Variants in PCDH15 observed in about 807,000 individuals in gnomAD.
PCDH15 encodes the protein protocadherin-15.
In PCDH15, 129 loss-of-function variants were observed where a neutral mutation model predicts 178.5. The observed-to-expected ratio is 0.72, with a 90% confidence interval of 0.63 to 0.84. PCDH15 has a LOEUF of 0.84. Among genes scored for constraint, PCDH15 ranks in the 40% least tolerant of loss-of-function variants. The pLI is 0.00. For synonymous variants in PCDH15, 800 were observed against 732.0 expected (o/e 1.09, Z -1.50); for missense variants, 2,230 against 2,099.9 (o/e 1.06, Z -1.21).
chr10:55,197,567 A>AT, intron 1 of PCDH15, among the ~76,000 whole-genome samples: 1 of 152,202 alleles, frequency 6.6e-6, no homozygotes, highest in South Asian at 2.1e-4. Context: ...TAACACAATA[A>AT]TTTTTTGATT....
At chr10:54,720,441 G>T (rs553297477) in intron 1 of PCDH15, among the ~76,000 whole-genome samples, 1 of 150,828 alleles carries the variant, frequency 6.6e-6, no homozygotes, top group African/African-American at 2.4e-5. Context: ...AAAGAAAATC[G>T]CATCAAACTA....
chr10:54,295,273 A>T (rs1460174944), intron 8 of PCDH15, among the ~76,000 whole-genome samples: 1 of 152,102 alleles, frequency 6.6e-6, no homozygotes, highest in East Asian at 1.9e-4. Flanking sequence ...TGGACCAATA[A>T]GTGCTCTGTA....
At chr10:54,059,854 A>T (rs1327411432) in intron 18 of PCDH15, among the ~76,000 whole-genome samples, 2 of 152,228 alleles carry the variant, frequency 1.3e-5, no homozygotes, top group Non-Finnish European at 2.9e-5. Flanking sequence ...AATATGTACA[A>T]TGGAAAGCAT....
At chr10:55,141,092 T>A (rs149971084) in intron 2 of PCDH15, among the ~76,000 whole-genome samples, 42 of 152,198 alleles carry the variant, frequency 2.8e-4, no homozygotes, top group African/African-American at 9.1e-4. Flanking sequence ...TAAGTTTGTC[T>A]TCTGCAAAAT....
At chr10:54,138,127 A>T (rs2133130914) in intron 14 of PCDH15, among the ~76,000 whole-genome samples, 1 of 152,138 alleles carries the variant, frequency 6.6e-6, no homozygotes, top group South Asian at 2.1e-4. Flanking sequence ...TTTTAAAGAA[A>T]TTTTTATTTG....
intron 3 of PCDH15, among the ~76,000 whole-genome samples, chr10:54,417,315 TA>T (rs1565218270): frequency 1.3e-5 from 2 of 152,182 alleles, no homozygotes; most frequent in Non-Finnish European, 2.9e-5. Flanking sequence ...GAATTTTTTT[TA>T]AATACTGGGA....
chr10:55,573,932 A>G (rs1430454711), intron 2 of PCDH15, among the ~76,000 whole-genome samples: 1 of 151,856 alleles, frequency 6.6e-6, no homozygotes, highest in East Asian at 1.9e-4. Flanking sequence ...TATTCATGTT[A>G]CCACCATTAA....
chr10:54,727,681 T>C (rs1942767563), intron 1 of PCDH15, among the ~76,000 whole-genome samples: 1 of 151,276 alleles, frequency 6.6e-6, no homozygotes, highest in Non-Finnish European at 1.5e-5. Context: ...ATAAGATTAA[T>C]AGACTGGTAG....
intron 7 of PCDH15, among the ~76,000 whole-genome samples, chr10:54,327,459 AAAT>A (rs1309082071): frequency 2.0e-5 from 3 of 149,440 alleles, no homozygotes; most frequent in East Asian, 1.9e-4. Context: ...ATAATATATA[AAAT>A]AATAAATCAT....
chr10:54,378,493 G>T lies in PCDH15; in HGVS notation c.318+289C>A, dbSNP rs1162869227. Among the ~76,000 whole-genome samples the T allele has an allele frequency of 3.3e-5, 5 of 152,050 alleles. No individual in the cohort carries two copies. In the East Asian group the frequency reaches 9.7e-4, roughly 30 times the overall value. Reference sequence around the variant, plus strand: ...ACAGAAATGAGTTATAGCCATGCTTGTCCTACTTTGCCAAGGGTACCACCT... The same window carrying T: ...ACAGAAATGAGTTATAGCCATGCTTTTCCTACTTTGCCAAGGGTACCACCT... On this transcript the variant is annotated intron_variant, in intron 4 of 37. Coordinates refer to ENST00000644397, the MANE Select transcript of PCDH15 (RefSeq NM_001384140.1).
At chr10:55,055,069 T>C (rs1841263684) in intron 2 of PCDH15, among the ~76,000 whole-genome samples, 1 of 152,182 alleles carries the variant, frequency 6.6e-6, no homozygotes, top group Non-Finnish European at 1.5e-5. Context: ...CTTTGACGTC[T>C]TCATCATGAA....
chr10:54,674,550 T>G, intron 1 of PCDH15, among the ~76,000 whole-genome samples: 1 of 152,234 alleles, frequency 6.6e-6, no homozygotes, highest in East Asian at 1.9e-4. Context: ...ATATTAAGCT[T>G]TTACCATTTA....
intron 3 of PCDH15, among the ~76,000 whole-genome samples, chr10:54,829,107 G>A (rs185215350): frequency 9.2e-5 from 14 of 152,098 alleles, no homozygotes; most frequent in Admixed American, 2.6e-4. Flanking sequence ...CACAGCCCTT[G>A]TAGATAAAGA....
At chr10:55,016,839 C>A (rs1172482184) in intron 2 of PCDH15, among the ~76,000 whole-genome samples, 3 of 152,018 alleles carry the variant, frequency 2.0e-5, no homozygotes, top group Admixed American at 6.6e-5. Context: ...TCTGTCTTGT[C>A]TTGATTCTGG....
intron 2 of PCDH15, among the ~76,000 whole-genome samples, chr10:55,548,210 G>GCACACACACACACACA (rs200097115): frequency 1.7e-5 from 2 of 121,190 alleles, no homozygotes; most frequent in African/African-American, 5.6e-5. Flanking sequence ...AATGCCTAAT[G>GCACACACACACACACA]CACACACACA....
At position 55,563,963 on chromosome 10, in the gene PCDH15, CA is replaced by C. The variant is rs1181236312; in HGVS notation, c.-156+63661del. Among the ~76,000 whole-genome samples, 9 of 151,736 alleles carry C rather than the reference CA, an allele frequency of 5.9e-5. No homozygotes were observed. In the Admixed American group the frequency reaches 5.9e-4, roughly 10 times the overall value. ...AATAAAAGGACATTAGATAGTAACT[CA>C]AAGCTATATGAATAAGTATATATCT... is the stretch of plus-strand genomic sequence containing the variant. On this transcript the variant is annotated intron_variant, in intron 2 of 5. Coordinates refer to the PCDH15 transcript ENST00000613346.
At chr10:54,335,942 C>G (rs574774054) in intron 6 of PCDH15, among the ~76,000 whole-genome samples, 33 of 152,098 alleles carry the variant, frequency 2.2e-4, no homozygotes, top group African/African-American at 6.5e-4. Context: ...TTGGCTTTGA[C>G]CAAAATGCTG....
At chr10:53,968,611 C>T (rs930246486) in intron 21 of PCDH15, among the ~76,000 whole-genome samples, 4 of 152,090 alleles carry the variant, frequency 2.6e-5, no homozygotes, top group East Asian at 1.9e-4. Context: ...CAGTAGAGGC[C>T]GACTGACACC....
At chr10:55,048,226 T>C (rs569987053) in intron 2 of PCDH15, among the ~76,000 whole-genome samples, 1 of 151,984 alleles carries the variant, frequency 6.6e-6, no homozygotes, top group African/African-American at 2.4e-5. Context: ...ACTTTCAACC[T>C]GACTTCTGTT....
Sources: allele counts gnomAD v4.1 joint callset (sites outside exome capture counted in the v4.1 genomes callset), GRCh38; gene constraint gnomAD v4.1.1; transcripts MANE v1.5; gene names NCBI Gene and HGNC (gene_info 2026-07-23, HGNC 2026-07-21).